AMZ1: variants seen among roughly 807,000 people sequenced by gnomAD.
The protein encoded by AMZ1 is archaelysin family metallopeptidase 1.
AMZ1 carries 39 observed loss-of-function variants against 29.9 expected under a neutral mutation model. That is an observed-to-expected ratio of 1.30 (90% CI 1.01 to 1.70). The LOEUF is 1.70. Among genes scored for constraint, AMZ1 ranks in the 40% most tolerant of loss-of-function variants. The pLI is 0.00. For missense variants in AMZ1, 1,041 were observed against 680.6 expected (o/e 1.53, Z -5.89); for synonymous variants, 458 against 304.0 (o/e 1.51, Z -5.27).
Position 2,712,348 on chromosome 7 carries a change from C to T in AMZ1, c.967C>T (p.Gln323Ter). 2 of 1,593,452 alleles carry T rather than the reference C, an allele frequency of 1.3e-6. No homozygotes were observed. The highest frequency in any genetic ancestry group is 1.7e-6 in the Non-Finnish European group (2 of 1,169,604). Residue 323 changes from glutamine to a stop codon, truncating the protein, a stop_gained, in exon 7 of 7, where the codon CAG becomes TAG. Transcript: ENST00000683327. LOFTEE classifies it low-confidence loss of function (END_TRUNC). ...ERYQRLYTWT[Q>*]AVVGTWPSQE... Reference sequence around the variant, plus strand: ...CTCTTAGAGACTCTACACCTGGACTCAGGCGGTGGTGGGGACGTGGCCCAG... The same window carrying T: ...CTCTTAGAGACTCTACACCTGGACTTAGGCGGTGGTGGGGACGTGGCCCAG...
At chr7:2,739,886 T>G (rs564129909) in intron 4 of AMZ1, among the ~76,000 whole-genome samples, 1 of 152,296 alleles carries the variant, frequency 6.6e-6, no homozygotes, top group East Asian at 1.9e-4. Context: ...TTGGCCAGGC[T>G]GGTCTCGAAC....
chr7:2,682,327 C>G (rs1046382256), intron 1 of AMZ1, among the ~76,000 whole-genome samples: 12 of 152,222 alleles, frequency 7.9e-5, no homozygotes, highest in African/African-American at 2.9e-4. Context: ...GTCAGGGTCT[C>G]GTGTCCAGCA....
At chr7:2,727,632 G>T (rs1465869566) in intron 4 of AMZ1, among the ~76,000 whole-genome samples, 1 of 152,158 alleles carries the variant, frequency 6.6e-6, no homozygotes, top group Admixed American at 6.5e-5. Context: ...CTCCCAAAGT[G>T]CTGGGATTAT....
upstream of AMZ1, chr7:2,763,188 CCCAACACACA>C (rs1791651308): frequency 7.8e-6 from 3 of 386,592 alleles, no homozygotes; most frequent in African/African-American, 1.2e-4. Flanking sequence ...CACAAGACAC[CCCAACACACA>C]CACACACACA....
intron 3 of AMZ1, among the ~76,000 whole-genome samples, chr7:2,705,210 C>T (rs963848064): frequency 6.6e-6 from 1 of 152,190 alleles, no homozygotes; most frequent in African/African-American, 2.4e-5. Context: ...GACTGTGGGA[C>T]AAAGACATGA....
In AMZ1 at chr7:2,709,137, C is replaced by G. The variant is rs1294557826; in HGVS notation, c.664C>G (p.Pro222Ala). The G allele has an allele frequency of 3.8e-6, 6 of 1,595,698 alleles. No homozygotes were observed. Among genetic ancestry groups the G allele is most frequent in the African/African-American group, 1.3e-5 (1 of 74,136 alleles). The change falls in exon 5 of 7, where the codon CCT becomes GCT. Residue 222 changes from proline to alanine, a missense_variant. By Grantham distance (27) the Pro-to-Ala change is conservative (BLOSUM62 -1). Coordinates refer to ENST00000683327, the MANE Select transcript of AMZ1 (RefSeq NM_001384743.1). ...GEFPKSGPSA[P>A]DLALVEAAAD... ...ATTCCCGAAGTCGGGGCCCAGCGCC[C>G]CTGATCTGGCCCTGGTAGAGGCAGC...
At chr7:2,694,828 A>G (rs1373533076) in intron 1 of AMZ1, among the ~76,000 whole-genome samples, 1 of 151,866 alleles carries the variant, frequency 6.6e-6, no homozygotes, top group Admixed American at 6.6e-5. Context: ...ATGTGCCACC[A>G]CGCCTGGCTA....
chr7:2,748,895 A>C (rs373112183), intron 4 of AMZ1, among the ~76,000 whole-genome samples: 7 of 152,242 alleles, frequency 4.6e-5, no homozygotes, highest in Admixed American at 4.6e-4. Flanking sequence ...ATGCAGCCAA[A>C]AGACACATGA....
At chr7:2,762,737 T>A (rs931198919), upstream of AMZ1, 1 of 1,555,360 alleles carries the variant, frequency 6.4e-7, no homozygotes, top group Admixed American at 2.0e-5. Flanking sequence ...ATGTCCTCCC[T>A]CCCGCAGGAA....
chr7:2,745,730 G>A (rs1790733131), intron 4 of AMZ1, among the ~76,000 whole-genome samples: 1 of 152,184 alleles, frequency 6.6e-6, no homozygotes, highest in Non-Finnish European at 1.5e-5. Context: ...CTGGCAAATT[G>A]GATAAAGAGT....
downstream of AMZ1, among the ~76,000 whole-genome samples, chr7:2,722,233 G>A (rs2115246656): frequency 6.6e-6 from 1 of 152,124 alleles, no homozygotes; most frequent in East Asian, 1.9e-4. Context: ...GCCCATCGAT[G>A]TGAGCTGGTT....
downstream of AMZ1, among the ~76,000 whole-genome samples, chr7:2,722,702 C>T (rs1053142523): frequency 5.9e-5 from 9 of 152,194 alleles, no homozygotes; most frequent in South Asian, 2.1e-4. Context: ...CTGGGTGCAG[C>T]GACTCATGCC....
chr7:2,754,403 C>A (rs769047942), intron 4 of AMZ1, among the ~76,000 whole-genome samples: 1 of 152,076 alleles, frequency 6.6e-6, no homozygotes. Context: ...ATGTAGTCAG[C>A]AAATACTTTT....
At chr7:2,689,417 A>T (rs968116120) in intron 1 of AMZ1, among the ~76,000 whole-genome samples, 6 of 152,188 alleles carry the variant, frequency 3.9e-5, no homozygotes, top group African/African-American at 1.4e-4. Context: ...GGACAAAAAA[A>T]GGCAAGGGGA....
intron 4 of AMZ1, among the ~76,000 whole-genome samples, chr7:2,757,129 CTTT>C (rs71026549): frequency 5.3e-5 from 5 of 94,002 alleles, no homozygotes; most frequent in African/African-American, 1.7e-4. Context: ...TCAGGTGGGC[CTTT>C]TTTTTTTTTT....
chr7:2,711,790 T>C (rs1435766805), intron 6 of AMZ1, among the ~76,000 whole-genome samples: 2 of 152,172 alleles, frequency 1.3e-5, no homozygotes, highest in African/African-American at 4.8e-5. Context: ...ACACCTGTAA[T>C]CCCAGCACTT....
At chr7:2,681,560 C>G (rs929622594) in intron 1 of AMZ1, among the ~76,000 whole-genome samples, 1 of 152,154 alleles carries the variant, frequency 6.6e-6, no homozygotes, top group South Asian at 2.1e-4. Context: ...GGTGCCCAGC[C>G]AAGCCTTTGT....
intron 4 of AMZ1, among the ~76,000 whole-genome samples, chr7:2,753,912 G>C (rs1374897609): frequency 6.6e-6 from 1 of 152,134 alleles, no homozygotes; most frequent in Non-Finnish European, 1.5e-5. Flanking sequence ...GGCAGGGAGA[G>C]CTCATGTATG....
chr7:2,689,059 C>T (rs917981211), intron 1 of AMZ1, among the ~76,000 whole-genome samples: 3 of 152,248 alleles, frequency 2.0e-5, no homozygotes, highest in Non-Finnish European at 1.5e-5. Context: ...TCTAAGCCCC[C>T]GGTTTTCCCT....
Sources: gnomAD v4.1 joint callset for allele counts (sites outside exome capture counted in the v4.1 genomes callset) on GRCh38, gnomAD v4.1.1 for gene constraint, MANE v1.5 for transcripts, NCBI Gene and HGNC (gene_info 2026-07-23, HGNC 2026-07-21) for gene names.